Variants in CRYBG3 observed in about 807,000 individuals in gnomAD.
The protein encoded by CRYBG3 is very large A-kinase anchor protein.
A neutral mutation model predicts 244.2 loss-of-function variants in CRYBG3; 127 were observed. That is an observed-to-expected ratio of 0.52 (90% CI 0.45 to 0.60). The LOEUF is 0.60. CRYBG3 is among the 20% of genes least tolerant of loss of function. CRYBG3 has a pLI of 0.00. For synonymous variants in CRYBG3, 1,132 were observed against 1,195.8 expected, an observed-to-expected ratio of 0.95 and a Z score of 1.10; for missense variants, 3,325 against 3,442.5, an observed-to-expected ratio of 0.97 and a Z score of 0.85.
Position 97,898,970 on chromosome 3 carries a change from T to C in CRYBG3, c.7789T>C (p.Leu2597=). 1.9e-6 allele frequency: 3 copies of C among 1,613,056 alleles called. No homozygotes were observed. Among genetic ancestry groups the C allele is most frequent in the Non-Finnish European group, 2.5e-6 (3 of 1,179,434 alleles). The change falls in exon 13 of 22, where the codon TTG becomes CTG. Residue 2597 remains leucine (L), a synonymous_variant. Transcript: ENST00000389622. ...IDITNQEISD[L]EEIGFGSKTR... Reference sequence around the variant, plus strand: ...CATTACAAATCAGGAAATTTCTGATTTGGAAGAAATTGGCTTTGGCAGTAA... The same window carrying C: ...CATTACAAATCAGGAAATTTCTGATCTGGAAGAAATTGGCTTTGGCAGTAA...
At chr3:97,939,802 AT>A (rs1406294204) in intron 19 of CRYBG3, among the ~76,000 whole-genome samples, 1 of 152,088 alleles carries the variant, frequency 6.6e-6, no homozygotes, top group East Asian at 1.9e-4. Context: ...GATTTGAAAC[AT>A]TTAAAACATT....
chr3:97,841,192 G>GTGTATATA (rs148896217), intron 1 of CRYBG3, among the ~76,000 whole-genome samples: 8,724 of 145,894 alleles, frequency 0.06, 368 homozygotes, highest in Middle Eastern at 0.089. Flanking sequence ...TCATATATGT[G>GTGTATATA]TGTATATATG....
chr3:97,896,131 T>G, intron 12 of CRYBG3, 46 bp downstream of exon 12: 1 of 1,559,302 alleles, frequency 6.4e-7, no homozygotes, highest in Non-Finnish European at 8.7e-7. Flanking sequence ...TTAAAAAATC[T>G]GTTCACAAAA....
intron 7 of CRYBG3, among the ~76,000 whole-genome samples, chr3:97,884,183 A>G (rs893836246): frequency 6.6e-6 from 1 of 152,202 alleles, no homozygotes; most frequent in African/African-American, 2.4e-5. Context: ...AGGTATAGCG[A>G]ATAACCTCAG....
Position 97,875,378 on chromosome 3 carries a change from G to A in CRYBG3, c.4184G>A (p.Gly1395Glu). ...GCTAGTGGCACAGAGTCAATTAAGGGAGGAGAAATTGTTCTCTACCAAAAA... is the reference window on the plus strand; with the variant it reads ...GCTAGTGGCACAGAGTCAATTAAGGAAGGAGAAATTGTTCTCTACCAAAAA... ...NLASGTESIK[G>E]GEIVLYQKSL... Residue 1395 changes from glycine (G) to glutamate (E), a missense_variant, in exon 4 of 22, where the codon GGA becomes GAA. This residue lies in a region of CRYBG3 where 635 missense variants were observed against 771.7 expected (regional missense o/e 0.82). Transcript: ENST00000389622. 7.1e-7 allele frequency: 1 copy of A among 1,411,086 alleles called. No homozygotes were observed. The highest frequency in any genetic ancestry group is 9.2e-7 in the Non-Finnish European group (1 of 1,090,926). The allele number at this position is 1,411,086 out of a possible 1,614,324, so 87.4% of individuals were successfully genotyped here.
intron 17 of CRYBG3, among the ~76,000 whole-genome samples, chr3:97,917,289 T>C (rs1053271003): frequency 2.6e-5 from 4 of 152,118 alleles, no homozygotes; most frequent in African/African-American, 7.2e-5. Context: ...GGCATGTCCC[T>C]AGTTTTGGTC....
chr3:97,897,059 T>A (rs937348880), intron 12 of CRYBG3, among the ~76,000 whole-genome samples: 1 of 152,196 alleles, frequency 6.6e-6, no homozygotes, highest in Admixed American at 6.5e-5. Context: ...ATTCCTTGAC[T>A]TCCTCAATAA....
chr3:97,859,418 G>T (rs1349143202), intron 2 of CRYBG3, among the ~76,000 whole-genome samples: 3 of 152,138 alleles, frequency 2.0e-5, no homozygotes, highest in African/African-American at 4.8e-5. Context: ...GCTTAAGGAG[G>T]TGACAAAATA....
chr3:97,874,679 C>T lies in CRYBG3; in HGVS notation c.3485C>T (p.Ala1162Val), dbSNP rs979517310. The T allele has an allele frequency of 5.2e-6, 8 of 1,535,754 alleles. No individual in the cohort carries two copies. The highest frequency in any genetic ancestry group is 1.4e-5 in the African/African-American group (1 of 73,148). The change falls in exon 4 of 22, where the codon GCG (alanine) becomes GTG (valine). Residue 1162 changes from alanine (A) to valine (V), a missense_variant. Transcript: ENST00000389622. ...AETGAVAGPAASVNSSGQQCS... is the reference protein window; with the variant it reads ...AETGAVAGPAVSVNSSGQQCS... ...ACTGGAGCAGTTGCTGGGCCTGCAGCGTCAGTTAACAGCTCAGGCCAACAG... is the reference window on the plus strand; with the variant it reads ...ACTGGAGCAGTTGCTGGGCCTGCAGTGTCAGTTAACAGCTCAGGCCAACAG...
intron 1 of CRYBG3, among the ~76,000 whole-genome samples, chr3:97,842,292 G>C (rs1339532535): frequency 1.3e-5 from 2 of 152,160 alleles, no homozygotes; most frequent in Admixed American, 6.6e-5. Flanking sequence ...GCTGGGCGTA[G>C]TGACTCCTGC....
intron 17 of CRYBG3, among the ~76,000 whole-genome samples, chr3:97,923,149 G>C (rs539355951): frequency 2.4e-4 from 37 of 152,136 alleles, no homozygotes; most frequent in African/African-American, 8.9e-4. Flanking sequence ...GAGAACACTT[G>C]GACACAGGGC....
chr3:97,847,361 A>G (rs752096722), intron 2 of CRYBG3, among the ~76,000 whole-genome samples: 18 of 152,240 alleles, frequency 1.2e-4, no homozygotes, highest in African/African-American at 3.9e-4. Flanking sequence ...TGTATGTTCT[A>G]TCCACAGTGT....
intron 7 of CRYBG3, among the ~76,000 whole-genome samples, chr3:97,882,708 AG>A (rs1236121427): frequency 9.2e-5 from 14 of 152,230 alleles, no homozygotes; most frequent in Admixed American, 3.9e-4. Flanking sequence ...GTATAAATTG[AG>A]ATGAAAACTA....
In CRYBG3 at chr3:97,943,408, T is replaced by C. The variant is rs1273001015; in HGVS notation, c.*94T>C. 1.4e-5 allele frequency: 10 copies of C among 730,500 alleles called. No individual in the cohort carries two copies. Among genetic ancestry groups the C allele is most frequent in the Admixed American group, 2.4e-5 (1 of 40,902 alleles). The allele number at this position is 730,500 out of a possible 1,614,324, so 45.3% of individuals were successfully genotyped here. A position where few individuals can be genotyped will look rare whatever the true frequency, so the allele number is the denominator to read the frequency against. ...GGACGTGGAAAGGAAGCTACTGTCC[T>C]CACACTCCTGGATCACTGAGCAGAA... On this transcript the variant is annotated 3_prime_UTR_variant, in exon 22 of 22. Coordinates refer to ENST00000389622, the MANE Select transcript of CRYBG3 (RefSeq NM_153605.4).
Position 97,872,779 on chromosome 3 carries a change from C to T in CRYBG3, c.1585C>T (p.Arg529Ter), listed in dbSNP as rs1287069841. ...AAATGTGGCTGTTAGAGAAATCAGGCGAGAAACAGAAAGTGCCTCAGCTGG... is the reference window on the plus strand; with the variant it reads ...AAATGTGGCTGTTAGAGAAATCAGGTGAGAAACAGAAAGTGCCTCAGCTGG... The part of the protein sequence containing the change: ...QKNVAVREIR[R>*]ETESASAGES... Residue 529 changes from arginine (R) to a stop codon, truncating the protein, a stop_gained, in exon 4 of 22, where the codon CGA becomes TGA. Coordinates refer to ENST00000389622, the MANE Select transcript of CRYBG3 (RefSeq NM_153605.4). LOFTEE classifies it high-confidence loss of function. 1.4e-5 allele frequency: 21 copies of T among 1,535,622 alleles called. No individual in the cohort carries two copies. Among genetic ancestry groups the T allele is most frequent in the East Asian group, 7.3e-5 (3 of 40,900 alleles).
Position 97,873,195 on chromosome 3 carries a change from C to T in CRYBG3, c.2001C>T (p.Ser667=). 6.5e-7 allele frequency: 1 copy of T among 1,535,878 alleles called. No individual in the cohort carries two copies. Among genetic ancestry groups the T allele is most frequent in the Non-Finnish European group, 8.7e-7 (1 of 1,146,786 alleles). ...PTFVSGVGML[S]KLDIPDLMNE... ...TTGTTTCTGGAGTTGGGATGCTGAGCAAGTTGGATATTCCTGATTTAATGA... is the reference window on the plus strand; with the variant it reads ...TTGTTTCTGGAGTTGGGATGCTGAGTAAGTTGGATATTCCTGATTTAATGA... Residue 667 remains serine (S), a synonymous_variant, in exon 4 of 22, where the codon AGC becomes AGT. Transcript: ENST00000389622.
At chr3:97,895,643 G>T (rs984991019) in intron 11 of CRYBG3, among the ~76,000 whole-genome samples, 1 of 152,122 alleles carries the variant, frequency 6.6e-6, no homozygotes, top group Non-Finnish European at 1.5e-5. Context: ...TATGCACTTT[G>T]TATTATATTT....
intron 6 of CRYBG3, 52 bp downstream of exon 6, chr3:97,880,152 T>C (rs745955866): frequency 5.5e-6 from 5 of 907,576 alleles, no homozygotes; most frequent in Admixed American, 2.4e-5. Flanking sequence ...TAAATGTGTC[T>C]TCTTGCTGTT....
chr3:97,886,770 A>G lies in CRYBG3; in HGVS notation c.7289+3A>G. On this transcript the variant is annotated splice_donor_region_variant and intron_variant, in intron 8 of 21. Transcript: ENST00000389622. ...TCCTTCACTGTGAAGTCAGGAGTGT[A>G]CGTATCAGTTCCTTTTTATTATAGT... 3 of 1,577,574 alleles carry G rather than the reference A, an allele frequency of 1.9e-6. No individual in the cohort carries two copies. Among genetic ancestry groups the G allele is most frequent in the Non-Finnish European group, 2.6e-6 (3 of 1,167,864 alleles).
Sources: allele counts gnomAD v4.1 joint callset (sites outside exome capture counted in the v4.1 genomes callset), GRCh38; gene constraint gnomAD v4.1.1; regional missense constraint gnomAD v4.1.1; transcripts MANE v1.5; gene names NCBI Gene and HGNC (gene_info 2026-07-23, HGNC 2026-07-21).